The following CDH13 variants were observed in gnomAD, a reference collection of about 807,000 sequenced individuals.
CDH13 encodes cadherin-13.
CDH13 carries 24 observed loss-of-function variants against 63.8 expected under a neutral mutation model. That is an observed-to-expected ratio of 0.38 (90% CI 0.27 to 0.53). The LOEUF (loss-of-function observed/expected upper bound fraction) is 0.53. Among genes scored for constraint, CDH13 ranks in the 20% least tolerant of loss-of-function variants. The probability of loss-of-function intolerance (pLI) is 0.85; values close to 1 mark genes in which losing one functional copy is unlikely to be tolerated. For synonymous variants in CDH13, 503 were observed against 355.3 expected, an observed-to-expected ratio of 1.42 and a Z score of -4.67; for missense variants, 1,049 against 903.1, an observed-to-expected ratio of 1.16 and a Z score of -2.07.
rs763339883 is a variant in CDH13, at chr16:83,075,949, T to G, written c.366+43731T>G. On this transcript the variant is annotated intron_variant, in intron 3 of 13. Transcript: ENST00000567109. ...TACATTATACCTTTAAGTGGCAGGATCAGCTTCGTGACAAAAACCAAACCA... is the reference window on the plus strand; with the variant it reads ...TACATTATACCTTTAAGTGGCAGGAGCAGCTTCGTGACAAAAACCAAACCA... Among the ~76,000 whole-genome samples, 128 of 152,266 alleles carry G rather than the reference T, an allele frequency of 8.4e-4. 1 individual carries two copies. The highest frequency in any genetic ancestry group is 1.3e-3 in the Non-Finnish European group (90 of 68,024).
At chr16:83,237,195 AG>A (rs1173334815) in intron 5 of CDH13, among the ~76,000 whole-genome samples, 1 of 152,190 alleles carries the variant, frequency 6.6e-6, no homozygotes, top group African/African-American at 2.4e-5. Flanking sequence ...CCTCAAGAGA[AG>A]GTCACCAAGG....
chr16:82,915,547 A>G (rs1292888669), intron 2 of CDH13, among the ~76,000 whole-genome samples: 3 of 152,076 alleles, frequency 2.0e-5, no homozygotes, highest in Admixed American at 6.6e-5. Flanking sequence ...AATTACAGTC[A>G]TTGTTGAAAA....
chr16:83,282,734 T>C (rs1733152378), intron 5 of CDH13, among the ~76,000 whole-genome samples: 1 of 152,176 alleles, frequency 6.6e-6, no homozygotes, highest in African/African-American at 2.4e-5. Flanking sequence ...GAATAAGTTT[T>C]CCTTTCCAGC....
At chr16:83,420,193 A>G (rs2071675229) in intron 6 of CDH13, among the ~76,000 whole-genome samples, 1 of 152,202 alleles carries the variant, frequency 6.6e-6, no homozygotes, top group Admixed American at 6.5e-5. Flanking sequence ...ACTCTCAAGG[A>G]ACTAAATCGA....
At chr16:82,747,063 T>A (rs1435321130) in intron 1 of CDH13, among the ~76,000 whole-genome samples, 2 of 152,236 alleles carry the variant, frequency 1.3e-5, no homozygotes, top group African/African-American at 2.4e-5. Flanking sequence ...ATGTGATTGA[T>A]ACAAACAAGT....
chr16:83,523,725 C>A (rs1417608514), intron 7 of CDH13, among the ~76,000 whole-genome samples: 4 of 152,180 alleles, frequency 2.6e-5, no homozygotes, highest in African/African-American at 9.7e-5. Flanking sequence ...GGTTGCACAT[C>A]CCAGAAGTAT....
At chr16:83,533,853 C>G (rs7202147) in intron 7 of CDH13, among the ~76,000 whole-genome samples, 21,940 of 151,760 alleles carry the variant, frequency 0.14, 1,921 homozygotes, top group African/African-American at 0.25. Flanking sequence ...ACTCCTGACC[C>G]CAAGTGATCC....
At position 83,231,360 on chromosome 16, in the gene CDH13, G is replaced by A. The variant is rs188583871; in HGVS notation, c.636+13863G>A. On this transcript the variant is annotated intron_variant, in intron 5 of 13. Transcript: ENST00000567109. ...AGGTTCAGGGCTCTCCGAGGGAATA[G>A]ATAGGAGAAAAATTTTGGATTCACC... Among the ~76,000 whole-genome samples, 497 of 152,288 alleles carry A rather than the reference G, an allele frequency of 3.3e-3. 2 individuals carry two copies. The highest frequency in any genetic ancestry group is 0.014 in the Middle Eastern group (4 of 294).
At position 82,639,489 on chromosome 16, in the gene CDH13, G is replaced by T. The variant is rs115056752; in HGVS notation, c.45+12352G>T. 2.9e-3 allele frequency: 4,234 copies of T among 1,457,724 alleles called. 112 individuals are homozygous for T. The African/African-American group carries it at 0.054, about 19-fold the overall frequency. The allele number at this position is 1,457,724 out of a possible 1,614,324, so 90.3% of individuals were successfully genotyped here. On this transcript the variant is annotated intron_variant, in intron 1 of 13. Coordinates refer to ENST00000567109, the MANE Select transcript of CDH13 (RefSeq NM_001257.5). ...AGGTAAATTTGCCTGCTGCTGTGTC[G>T]TGTGGCTGGATGGAATTCTTCCCTA...
chr16:83,757,823 C>G (rs1250239278), intron 11 of CDH13, among the ~76,000 whole-genome samples: 1 of 151,962 alleles, frequency 6.6e-6, no homozygotes, highest in Non-Finnish European at 1.5e-5. Flanking sequence ...AAAATTAAAA[C>G]TTATCAAAAA....
intron 2 of CDH13, among the ~76,000 whole-genome samples, chr16:82,977,901 T>A (rs766854715): frequency 2.0e-5 from 3 of 152,184 alleles, no homozygotes; most frequent in Non-Finnish European, 4.4e-5. Flanking sequence ...AGTTTAGAAC[T>A]TCCTAGAGAT....
At chr16:82,946,861 A>G (rs536397579) in intron 2 of CDH13, among the ~76,000 whole-genome samples, 12 of 152,348 alleles carry the variant, frequency 7.9e-5, no homozygotes, top group African/African-American at 2.6e-4. Flanking sequence ...TACAATCACT[A>G]GAGTGAAGTT....
At chr16:83,270,118 C>T (rs920829397) in intron 5 of CDH13, among the ~76,000 whole-genome samples, 22 of 152,160 alleles carry the variant, frequency 1.4e-4, no homozygotes, top group African/African-American at 5.3e-4. Flanking sequence ...CACAATATAC[C>T]AGCAAGAGAT....
chr16:83,532,267 C>G (rs144680388), intron 7 of CDH13, among the ~76,000 whole-genome samples: 7 of 152,124 alleles, frequency 4.6e-5, no homozygotes, highest in Non-Finnish European at 1.0e-4. Context: ...CTAGTACAAG[C>G]TCATACAGTG....
At chr16:82,673,810 C>G (rs1485925863) in intron 1 of CDH13, among the ~76,000 whole-genome samples, 1 of 152,174 alleles carries the variant, frequency 6.6e-6, no homozygotes, top group Non-Finnish European at 1.5e-5. Context: ...TGCATACAAG[C>G]TCATCCATGT....
At chr16:83,756,402 T>C (rs559613080) in intron 11 of CDH13, among the ~76,000 whole-genome samples, 2 of 152,356 alleles carry the variant, frequency 1.3e-5, no homozygotes, top group South Asian at 4.1e-4. Flanking sequence ...TATACCTTGA[T>C]AGTACAGTCT....
chr16:82,896,617 A>G (rs1213184508), intron 2 of CDH13, among the ~76,000 whole-genome samples: 5 of 151,764 alleles, frequency 3.3e-5, no homozygotes, highest in Non-Finnish European at 7.4e-5. Context: ...TTAAAGTGTG[A>G]AAAAATTATT....
At chr16:83,613,886 T>C (rs1909067743) in intron 8 of CDH13, among the ~76,000 whole-genome samples, 3 of 152,216 alleles carry the variant, frequency 2.0e-5, no homozygotes, top group African/African-American at 4.8e-5. Context: ...TTTTAAATTA[T>C]GTAATTTCAA....
chr16:83,217,329 C>A lies in CDH13; in HGVS notation c.484-16C>A. ...TTTCCAGGCAGTTTTAAATGTCTCTCTGTTTTTCTGACTAGGTAGTCGATA... is the reference window on the plus strand; with the variant it reads ...TTTCCAGGCAGTTTTAAATGTCTCTATGTTTTTCTGACTAGGTAGTCGATA... On this transcript the variant is annotated splice_polypyrimidine_tract_variant and intron_variant, in intron 4 of 13. Transcript: ENST00000567109. 2.5e-6 allele frequency: 4 copies of A among 1,613,594 alleles called. No individual in the cohort carries two copies. The highest frequency in any genetic ancestry group is 3.4e-6 in the Non-Finnish European group (4 of 1,179,732).
Sources: gnomAD v4.1 joint callset for allele counts (sites outside exome capture counted in the v4.1 genomes callset) on GRCh38, gnomAD v4.1.1 for gene constraint, MANE v1.5 for transcripts, NCBI Gene and HGNC (gene_info 2026-07-23, HGNC 2026-07-21) for gene names.